Variants in TMEM11 observed in about 807,000 individuals in gnomAD.
The protein encoded by TMEM11 is transmembrane protein 11, also known as transmembrane protein 11, mitochondrial.
In TMEM11, 1 loss-of-function variant was observed where a neutral mutation model predicts 17.0. That is an observed-to-expected ratio of 0.06 (90% CI 0.02 to 0.28). The LOEUF (loss-of-function observed/expected upper bound fraction) is 0.28, where lower values mean the gene tolerates loss of function less well. Ranked by LOEUF, TMEM11 falls within the 10% of genes least tolerant of loss-of-function variation. The pLI is 1.00. For synonymous variants in TMEM11, 122 were observed against 118.1 expected (o/e 1.03, Z -0.21); for missense variants, 172 against 252.9 (o/e 0.68, Z 2.17).
chr17:21,200,722 A>G (rs1597769100), intron 1 of TMEM11, among the ~76,000 whole-genome samples: 1 of 152,224 alleles, frequency 6.6e-6, no homozygotes, highest in Admixed American at 6.5e-5. Context: ...CCTGACAGGA[A>G]CTAGCTTCCT....
Position 21,198,115 on chromosome 17 carries a change from G to C in TMEM11, c.*209C>G, listed in dbSNP as rs1347767666. 6.4e-6 allele frequency: 4 copies of C among 627,268 alleles called. No homozygotes were observed. The African/African-American group carries it at 7.4e-5, about 12-fold the overall frequency. 38.9% of individuals were successfully genotyped at this position (627,268 alleles called of 1,614,324 possible). ...GCCCAGTCGGACTTCCACAGCCTCAGACCCCCCTCTTGGGTTATGGAAATC... is the reference window on the plus strand; with the variant it reads ...GCCCAGTCGGACTTCCACAGCCTCACACCCCCCTCTTGGGTTATGGAAATC... On this transcript the variant is annotated 3_prime_UTR_variant, in exon 2 of 2. Transcript: ENST00000317635. This position sits in a 1 kb window ranked among gnomAD's most constrained non-coding sequence, Gnocchi z 6.5.
intron 1 of TMEM11, among the ~76,000 whole-genome samples, chr17:21,212,250 C>T (rs1427987194): frequency 3.3e-5 from 5 of 152,194 alleles, no homozygotes; most frequent in Admixed American, 6.5e-5. Context: ...CCTGCTGACA[C>T]ACAACATCTG....
At chr17:21,199,902 G>A (rs2144287520) in intron 1 of TMEM11, among the ~76,000 whole-genome samples, 1 of 152,354 alleles carries the variant, frequency 6.6e-6, no homozygotes, top group Non-Finnish European at 1.5e-5. Flanking sequence ...TTAGTAAGCA[G>A]GAGGGTCAAC....
rs184791928 is a variant in TMEM11 at position 21,200,414 on chromosome 17, A to T, written c.63-1574T>A. 2.0e-5 allele frequency among the ~76,000 whole-genome samples: 3 copies of T among 152,308 alleles called. No individual in the cohort carries two copies. In the East Asian group the frequency reaches 5.8e-4, roughly 29 times the overall value. ...GCAAGAAGTCTTTATCTGGGCCTTG[A>T]CGGGGACACTGCTAGACATAGCTCT... is the stretch of plus-strand genomic sequence containing the variant. On this transcript the variant is annotated intron_variant, in intron 1 of 1. Coordinates refer to ENST00000317635, the MANE Select transcript of TMEM11 (RefSeq NM_003876.3).
rs762532851 is a variant in TMEM11, at chr17:21,198,533, T to G, written c.370A>C (p.Ile124Leu). 3 of 1,614,022 alleles carry G rather than the reference T, an allele frequency of 1.9e-6. No individual in the cohort carries two copies. Among genetic ancestry groups the G allele is most frequent in the Admixed American group, 1.7e-5 (1 of 60,004 alleles). Residue 124 changes from isoleucine (I) to leucine (L), a missense_variant, in exon 2 of 2, where the codon ATC (isoleucine) becomes CTC (leucine). Around this residue, in one of 2 missense-constraint regions of TMEM11, gnomAD observed 123 missense variants for 213.6 expected, o/e 0.58. Transcript: ENST00000317635. This position sits in a 1 kb window ranked among gnomAD's most constrained non-coding sequence, Gnocchi z 6.5. Reference sequence around the variant, plus strand: ...CAGCAAGGGTCAAACTGCCAGGAGATCCCATAGAGGGTGCAGCAGGCCAGG... The same window carrying G: ...CAGCAAGGGTCAAACTGCCAGGAGAGCCCATAGAGGGTGCAGCAGGCCAGG... Reference protein sequence around the residue: ...LSLACCTLYGISWQFDPCCKY... With the variant: ...LSLACCTLYGLSWQFDPCCKY...
intron 1 of TMEM11, chr17:21,211,098 G>A (rs764271813): frequency 1.6e-6 from 2 of 1,289,848 alleles, no homozygotes; most frequent in Middle Eastern, 2.1e-4. Context: ...GGGCAAGTGT[G>A]TCTCAAAGAC....
At chr17:21,205,451 C>T (rs370152536) in intron 1 of TMEM11, among the ~76,000 whole-genome samples, 2 of 152,162 alleles carry the variant, frequency 1.3e-5, no homozygotes, top group Non-Finnish European at 1.5e-5. Context: ...ACAGGGTCTC[C>T]GCTGCAGGAG....
At chr17:21,204,116 T>G (rs12949581) in intron 1 of TMEM11, among the ~76,000 whole-genome samples, 44,087 of 117,068 alleles carry the variant, frequency 0.38, 7,102 homozygotes, top group South Asian at 0.45. Context: ...TAATAGAGTC[T>G]ATGTTTAAAA....
rs186915453 is a variant in TMEM11 at position 21,199,607 on chromosome 17, T to A, written c.63-767A>T. On this transcript the variant is annotated intron_variant, in intron 1 of 1. Coordinates refer to ENST00000317635, the MANE Select transcript of TMEM11 (RefSeq NM_003876.3). ...CCTCAGGACAGATAATGCTAAGCCC[T>A]TGCCCTCCGCACGTTTCCTAAGTAG... Among the ~76,000 whole-genome samples the A allele has an allele frequency of 2.9e-3, 440 of 152,320 alleles. 2 individuals are homozygous for A. Among genetic ancestry groups the A allele is most frequent in the Non-Finnish European group, 4.1e-3 (282 of 68,034 alleles).
Position 21,198,882 on chromosome 17 carries a change from C to G in TMEM11, c.63-42G>C, listed in dbSNP as rs1974849556. On this transcript the variant is annotated intron_variant, in intron 1 of 1. Transcript: ENST00000317635. The surrounding 1 kb of genome is among the most constrained non-coding windows in gnomAD (Gnocchi z 6.5). ...CAGGAAAGGGAGAGAGAGAGAGAGA[C>G]AGGATGATTAGGCTGAGGAGCACTT... 1 of 1,557,192 alleles carries G rather than the reference C, an allele frequency of 6.4e-7. No homozygotes were observed. The highest frequency in any genetic ancestry group is 1.2e-5 in the South Asian group (1 of 83,728).
At chr17:21,207,090 T>C (rs2144304911) in intron 1 of TMEM11, among the ~76,000 whole-genome samples, 1 of 152,326 alleles carries the variant, frequency 6.6e-6, no homozygotes, top group East Asian at 1.9e-4. Flanking sequence ...GTATTTCATT[T>C]AAATGGAATC....
intron 1 of TMEM11, among the ~76,000 whole-genome samples, chr17:21,210,769 G>A (rs923072154): frequency 2.6e-5 from 4 of 152,258 alleles, no homozygotes; most frequent in African/African-American, 9.6e-5. Flanking sequence ...CAAGCCAGGG[G>A]AGGGGCAGGC....
chr17:21,199,198 C>T (rs1411624862), intron 1 of TMEM11, among the ~76,000 whole-genome samples: 1 of 151,754 alleles, frequency 6.6e-6, no homozygotes, highest in Non-Finnish European at 1.5e-5. Context: ...TGGCGCATGC[C>T]TATAATCCCT....
intron 1 of TMEM11, chr17:21,213,100 T>A (rs1364460215): frequency 6.6e-6 from 1 of 152,188 alleles, no homozygotes; most frequent in Admixed American, 6.5e-5. Context: ...AAAGGAATAA[T>A]GCAGAGTAGT....
intron 1 of TMEM11, among the ~76,000 whole-genome samples, chr17:21,206,394 G>A (rs962401852): frequency 1.7e-4 from 26 of 151,980 alleles, no homozygotes; most frequent in African/African-American, 5.8e-4. Context: ...GCTAATTTTT[G>A]TATTTTTAGT....
Position 21,198,069 on chromosome 17 carries a change from T to C in TMEM11, c.*255A>G, listed in dbSNP as rs1974838900. The C allele has an allele frequency of 2.1e-6, 1 of 480,506 alleles. No homozygotes were observed. The highest frequency in any genetic ancestry group is 3.7e-6 in the Non-Finnish European group (1 of 272,770). The allele number at this position is 480,506 out of a possible 1,614,324, so 29.8% of individuals were successfully genotyped here. ...ACGTCCACACCCCCTCGGCAGCGTC[T>C]GCCTCCATCAGCATTCCACTGCCCA... On this transcript the variant is annotated 3_prime_UTR_variant, in exon 2 of 2. Transcript: ENST00000317635. The surrounding 1 kb of genome is among the most constrained non-coding windows in gnomAD (Gnocchi z 6.5).
At chr17:21,209,344 C>T (rs569510940) in intron 1 of TMEM11, among the ~76,000 whole-genome samples, 29 of 152,298 alleles carry the variant, frequency 1.9e-4, no homozygotes, top group African/African-American at 4.8e-4. Context: ...TGTTGTCAAA[C>T]GGGGCCAGAG....
intron 1 of TMEM11, among the ~76,000 whole-genome samples, chr17:21,199,438 G>A (rs1447954949): frequency 6.6e-6 from 1 of 151,642 alleles, no homozygotes; most frequent in African/African-American, 2.4e-5. Flanking sequence ...CAACTGATCT[G>A]AGTCAGCAAA....
rs1465846223 is a variant in TMEM11 at position 21,213,837 on chromosome 17, C to T, written c.62+254G>A. 5.8e-6 allele frequency: 3 copies of T among 513,758 alleles called. No individual in the cohort carries two copies. The Admixed American group carries it at 1.1e-4, about 20-fold the overall frequency. 31.8% of individuals were successfully genotyped at this position (513,758 alleles called of 1,614,324 possible). A position where few individuals can be genotyped will look rare whatever the true frequency, so the allele number is the denominator to read the frequency against. On this transcript the variant is annotated intron_variant, in intron 1 of 1. Coordinates refer to ENST00000317635, the MANE Select transcript of TMEM11 (RefSeq NM_003876.3). ...CTTTCAGCACGGCCCGGCCTCGGGC[C>T]CCGCCCCGCATGGCCGCTGCCTACC...
Sources: gnomAD v4.1 joint callset for allele counts (sites outside exome capture counted in the v4.1 genomes callset) on GRCh38, gnomAD v4.1.1 for gene constraint, gnomAD v4.1.1 regional missense constraint, Gnocchi (gnomAD v3.1) non-coding constraint, MANE v1.5 for transcripts, NCBI Gene and HGNC (gene_info 2026-07-23, HGNC 2026-07-21) for gene names.